Variants in GREB1L observed in about 807,000 individuals in gnomAD.
GREB1L encodes the protein GREB1 like retinoic acid receptor coactivator, also known as GREB1-like protein.
Under a neutral mutation model 200.8 loss-of-function variants are expected in GREB1L, and 17 were observed. The observed-to-expected ratio is 0.08, with a 90% CI of 0.06 to 0.13. The LOEUF (loss-of-function observed/expected upper bound fraction) is 0.13, where lower values mean the gene tolerates loss of function less well. Ranked by LOEUF, GREB1L falls within the 10% of genes least tolerant of loss-of-function variation. The probability of loss-of-function intolerance (pLI) is 1.00; values close to 1 mark genes in which losing one functional copy is unlikely to be tolerated. For missense variants in GREB1L, 1,657 were observed against 2,367.7 expected (o/e 0.70, Z 6.23); for synonymous variants, 789 against 893.0 (o/e 0.88, Z 2.08).
intron 7 of GREB1L, among the ~76,000 whole-genome samples, chr18:21,419,019 A>G (rs2031908886): frequency 6.6e-6 from 1 of 152,224 alleles, no homozygotes; most frequent in South Asian, 2.1e-4. Context: ...GTTTAGATAC[A>G]CAAATACCAT....
rs1455562526 is a variant in GREB1L, at chr18:21,508,074, G to A, written c.4369-44G>A. 2.8e-6 allele frequency: 4 copies of A among 1,437,276 alleles called. No homozygotes were observed. In the Admixed American group the frequency reaches 6.0e-5, roughly 22 times the overall value. 89.0% of individuals were successfully genotyped at this position (1,437,276 alleles called of 1,614,324 possible). On this transcript the variant is annotated intron_variant, in intron 25 of 32. Transcript: ENST00000424526. The stretch of plus-strand genomic sequence containing the variant: ...GGAGTGGCCTGGAAGTTTGGAAACT[G>A]TGGGCTTACTTACGTTCCCTCCCTT...
At chr18:21,279,614 A>C (rs1475187800) in intron 1 of GREB1L, among the ~76,000 whole-genome samples, 1 of 152,134 alleles carries the variant, frequency 6.6e-6, no homozygotes, top group African/African-American at 2.4e-5. Flanking sequence ...CGGGTTTAAA[A>C]TTTTTTTCTT....
intron 7 of GREB1L, among the ~76,000 whole-genome samples, chr18:21,408,477 A>G (rs774455817): frequency 6.6e-6 from 1 of 152,176 alleles, no homozygotes; most frequent in African/African-American, 2.4e-5. Flanking sequence ...GCTCAATATC[A>G]TTAGTCAGGG....
At chr18:21,434,499 A>ATATATGTG (rs1392320151) in intron 7 of GREB1L, among the ~76,000 whole-genome samples, 2 of 127,286 alleles carry the variant, frequency 1.6e-5, no homozygotes, top group Admixed American at 8.2e-5. Context: ...ATATATATAT[A>ATATATGTG]TGTGTGTGTG....
intron 1 of GREB1L, among the ~76,000 whole-genome samples, chr18:21,300,108 A>G (rs1383131084): frequency 6.6e-6 from 1 of 152,222 alleles, no homozygotes; most frequent in Non-Finnish European, 1.5e-5. Context: ...AACAGAAATA[A>G]GCCATTTCCT....
chr18:21,242,728 C>A (rs1307023997), intron 1 of GREB1L, among the ~76,000 whole-genome samples: 2 of 152,148 alleles, frequency 1.3e-5, no homozygotes, highest in Non-Finnish European at 2.9e-5. Flanking sequence ...GCCTTTGTGG[C>A]GGGAGCGAGA....
intron 16 of GREB1L, among the ~76,000 whole-genome samples, chr18:21,474,898 A>T (rs1345569066): frequency 6.6e-6 from 1 of 152,078 alleles, no homozygotes; most frequent in Non-Finnish European, 1.5e-5. Flanking sequence ...ATCAGATCTC[A>T]TGAGACTTTC....
chr18:21,445,408 A>T (rs979600871), intron 11 of GREB1L, among the ~76,000 whole-genome samples: 4 of 152,156 alleles, frequency 2.6e-5, no homozygotes, highest in Non-Finnish European at 5.9e-5. Context: ...CGGGAGGCGG[A>T]GGTTGCAGTG....
intron 15 of GREB1L, among the ~76,000 whole-genome samples, chr18:21,471,146 A>C (rs550134791): frequency 6.6e-6 from 1 of 152,362 alleles, no homozygotes; most frequent in East Asian, 1.9e-4. Context: ...TCATCTTTAC[A>C]CTGGACCTTA....
intron 1 of GREB1L, among the ~76,000 whole-genome samples, chr18:21,364,836 C>CTT (rs113605319): frequency 7.1e-6 from 1 of 141,704 alleles, no homozygotes; most frequent in Non-Finnish European, 1.6e-5. Flanking sequence ...AGATTACTGA[C>CTT]TTTTTTTTTT....
intron 15 of GREB1L, among the ~76,000 whole-genome samples, chr18:21,469,257 T>C (rs1309704424): frequency 2.0e-5 from 3 of 152,204 alleles, no homozygotes; most frequent in African/African-American, 4.8e-5. Context: ...GGAAAAGCTG[T>C]TCCTCCTCAT....
intron 4 of GREB1L, chr18:21,387,657 C>A (rs1167476516): frequency 2.0e-5 from 3 of 152,074 alleles, no homozygotes; most frequent in Non-Finnish European, 1.5e-5. Flanking sequence ...GTTGGGGAGT[C>A]CTAAGGTTTT....
At chr18:21,393,324 T>C (rs2040906497) in intron 4 of GREB1L, among the ~76,000 whole-genome samples, 1 of 152,110 alleles carries the variant, frequency 6.6e-6, no homozygotes, top group African/African-American at 2.4e-5. Flanking sequence ...TGAGAGCAAG[T>C]CTCACGCTGT....
At chr18:21,414,498 G>A (rs147317368) in intron 7 of GREB1L, among the ~76,000 whole-genome samples, 117 of 152,168 alleles carry the variant, frequency 7.7e-4, no homozygotes, top group African/African-American at 2.3e-3. Context: ...CTGATCTCTC[G>A]TCAGCTCTGC....
rs1568000107 is a variant in GREB1L at position 21,426,966 on chromosome 18, A to AC, written c.833-12555_833-12554insC. ...AGAGCGAGACTACGTCTCAAAAAAA[A>AC]AAAAAACAAAAAAAAAAAAAACAAA... is the stretch of plus-strand genomic sequence containing the variant. On this transcript the variant is annotated intron_variant, in intron 7 of 32. Transcript: ENST00000424526. Among the ~76,000 whole-genome samples, 239 of 104,362 alleles carry AC rather than the reference A, an allele frequency of 2.3e-3. 3 individuals are homozygous for AC. The Middle Eastern group carries it at 0.028, about 12-fold the overall frequency. 68.5% of individuals were successfully genotyped at this position (104,362 alleles called of 152,430 possible).
intron 5 of GREB1L, among the ~76,000 whole-genome samples, chr18:21,396,190 G>A (rs569356271): frequency 2.6e-5 from 4 of 151,446 alleles, no homozygotes; most frequent in Non-Finnish European, 5.9e-5. Context: ...GATTACAGGC[G>A]CCCACCATCA....
chr18:21,384,938 A>T (rs995015250), intron 4 of GREB1L, among the ~76,000 whole-genome samples: 8 of 152,220 alleles, frequency 5.3e-5, no homozygotes, highest in African/African-American at 1.9e-4. Flanking sequence ...AAATGTGTAT[A>T]TTTTGTTAAT....
chr18:21,264,285 C>A lies in GREB1L; in HGVS notation c.-120+21892C>A, dbSNP rs1289701522. On this transcript the variant is annotated intron_variant, in intron 1 of 32. Transcript: ENST00000424526. ...GATCTGCATCCAGAAAAAAAAAAAA[C>A]GATGACAACAAATGACACAAAATCT... 3.3e-5 allele frequency among the ~76,000 whole-genome samples: 5 copies of A among 150,936 alleles called. No homozygotes were observed. The East Asian group carries it at 9.7e-4, about 29-fold the overall frequency.
Position 21,311,245 on chromosome 18 carries a change from A to G in GREB1L, c.-119-54782A>G, listed in dbSNP as rs2038785657. Among the ~76,000 whole-genome samples, 4 of 152,384 alleles carry G rather than the reference A, an allele frequency of 2.6e-5. No individual in the cohort carries two copies. In the South Asian group the frequency reaches 8.3e-4, roughly 32 times the overall value. On this transcript the variant is annotated intron_variant, in intron 1 of 32. Coordinates refer to ENST00000424526, the MANE Select transcript of GREB1L (RefSeq NM_001142966.3). ...TTCTCTCACAAGAGTAAAATAAACA[A>G]AACTGTAATGTCTTTGACAGTGGGG...
Sources: allele counts gnomAD v4.1 joint callset (sites outside exome capture counted in the v4.1 genomes callset), GRCh38; gene constraint gnomAD v4.1.1; transcripts MANE v1.5; gene names NCBI Gene and HGNC (gene_info 2026-07-23, HGNC 2026-07-21).